The following LEKR1 variants were observed in gnomAD, a reference collection of about 807,000 sequenced individuals.
LEKR1 encodes the protein protein LEKR1.
LEKR1 carries 59 observed loss-of-function variants against 72.4 expected under a neutral mutation model. The ratio of observed to expected loss-of-function variants is 0.82; its 90% CI spans 0.66 to 1.01. The LOEUF is 1.01. Ranked by LOEUF, LEKR1 falls within the 50% of genes least tolerant of loss-of-function variation. The probability of loss-of-function intolerance (pLI) is 0.00; values close to 1 mark genes in which losing one functional copy is unlikely to be tolerated. For synonymous variants in LEKR1, 257 were observed against 263.2 expected (o/e 0.98, Z 0.23); for missense variants, 728 against 759.2 (o/e 0.96, Z 0.48).
At chr3:156,873,104 G>T (rs1277867138) in intron 3 of LEKR1, among the ~76,000 whole-genome samples, 1 of 151,932 alleles carries the variant, frequency 6.6e-6, no homozygotes, top group Admixed American at 6.6e-5. Context: ...ATACCTGGGT[G>T]CTCTGGTGTT....
At chr3:156,942,995 TG>T (rs1726362931) in intron 6 of LEKR1, among the ~76,000 whole-genome samples, 1 of 151,936 alleles carries the variant, frequency 6.6e-6, no homozygotes, top group African/African-American at 2.4e-5. Flanking sequence ...AAATTTACTT[TG>T]GTATATCTGT....
intron 3 of LEKR1, among the ~76,000 whole-genome samples, chr3:156,886,529 A>G (rs767415705): frequency 3.9e-5 from 6 of 152,030 alleles, no homozygotes; most frequent in Admixed American, 6.6e-5. Context: ...TCCCACTCCA[A>G]TTCTGCTGGC....
chr3:156,895,528 T>A (rs1273913248), intron 3 of LEKR1, among the ~76,000 whole-genome samples: 2 of 152,014 alleles, frequency 1.3e-5, no homozygotes, highest in Non-Finnish European at 2.9e-5. Flanking sequence ...GAGGGATCAC[T>A]TGAGCCCAGG....
At chr3:156,997,171 C>G (rs1259780243) in intron 9 of LEKR1, among the ~76,000 whole-genome samples, 1 of 152,050 alleles carries the variant, frequency 6.6e-6, no homozygotes, top group African/African-American at 2.4e-5. Flanking sequence ...CCAGGGCAAC[C>G]TGTTATTCGG....
At chr3:156,949,942 A>G (rs1727003253) in intron 6 of LEKR1, among the ~76,000 whole-genome samples, 2 of 151,238 alleles carry the variant, frequency 1.3e-5, no homozygotes. Flanking sequence ...TTTCTAAAAC[A>G]TTGTATAAAA....
At chr3:156,867,873 T>C (rs1230388798) in intron 3 of LEKR1, among the ~76,000 whole-genome samples, 1 of 152,088 alleles carries the variant, frequency 6.6e-6, no homozygotes, top group Non-Finnish European at 1.5e-5. Context: ...AGATAAGTCA[T>C]GAAGCCAAGA....
Position 157,028,332 on chromosome 3 carries a change from C to A in LEKR1, c.1598C>A (p.Ser533Ter), listed in dbSNP as rs755439433. 1 of 1,613,134 alleles carries A rather than the reference C, an allele frequency of 6.2e-7. No homozygotes were observed. Among genetic ancestry groups the A allele is most frequent in the Non-Finnish European group, 8.5e-7 (1 of 1,179,532 alleles). ...ENLRKEMEQK[S>*]DELKRVMLAQ... ...TTGAGGAAGGAAATGGAACAGAAGT[C>A]GGATGAACTGAAAAGAGTAATGCTG... Residue 533 changes from serine to a stop codon, truncating the protein, a stop_gained, in exon 12 of 13, where the codon TCG becomes TAG. Transcript: ENST00000356539. LOFTEE classifies it high-confidence loss of function.
chr3:156,942,778 A>T, intron 6 of LEKR1, 64 bp downstream of exon 6: 1 of 694,002 alleles, frequency 1.4e-6, no homozygotes, highest in Non-Finnish European at 2.0e-6. Context: ...AAATGTTTAC[A>T]TTTTTACTTA....
At chr3:156,901,083 G>A (rs948137720) in intron 3 of LEKR1, among the ~76,000 whole-genome samples, 11 of 151,696 alleles carry the variant, frequency 7.3e-5, no homozygotes, top group East Asian at 1.9e-4. Flanking sequence ...CTGCAGCCTC[G>A]CCAACCCCAG....
intron 6 of LEKR1, among the ~76,000 whole-genome samples, chr3:156,949,889 G>C (rs1413406659): frequency 6.6e-6 from 1 of 150,988 alleles, no homozygotes; most frequent in Non-Finnish European, 1.5e-5. Flanking sequence ...GGTCACTATG[G>C]CCTTGTAGAA....
In LEKR1 at chr3:157,045,586, G is replaced by T. The variant is rs1735693459; in HGVS notation, c.1915G>T (p.Val639Leu). Residue 639 changes from valine (V) to leucine (L), a missense_variant, in exon 13 of 13, where the codon GTG becomes TTG. Coordinates refer to ENST00000356539, the MANE Select transcript of LEKR1 (RefSeq NM_001004316.3). ...KGIQIPNLRG[V>L]SKPTTFPTSD... Reference sequence around the variant, plus strand: ...AATCCAAATTCCCAACCTGCGCGGGGTGTCAAAACCCACCACTTTCCCAAC... The same window carrying T: ...AATCCAAATTCCCAACCTGCGCGGGTTGTCAAAACCCACCACTTTCCCAAC... The T allele has an allele frequency of 1.9e-6, 3 of 1,614,018 alleles. No homozygotes were observed. The highest frequency in any genetic ancestry group is 1.7e-6 in the Non-Finnish European group (2 of 1,180,048).
At chr3:156,998,316 G>A (rs1269573508) in intron 9 of LEKR1, among the ~76,000 whole-genome samples, 1 of 152,072 alleles carries the variant, frequency 6.6e-6, no homozygotes, top group Non-Finnish European at 1.5e-5. Flanking sequence ...TATAACAAAT[G>A]TACAAATATA....
chr3:156,840,224 C>T (rs1713727179), intron 2 of LEKR1, among the ~76,000 whole-genome samples: 1 of 152,146 alleles, frequency 6.6e-6, no homozygotes, highest in Non-Finnish European at 1.5e-5. Flanking sequence ...TTTGGGGAGT[C>T]AGAAGTTGTA....
chr3:156,826,712 C>T (rs531502276), intron 1 of LEKR1: 2 of 155,684 alleles, frequency 1.3e-5, no homozygotes, highest in Admixed American at 6.5e-5. Flanking sequence ...ATTTGAAAGC[C>T]ATTCCAGCAG....
chr3:156,919,672 A>G lies in LEKR1; in HGVS notation c.264-903A>G, dbSNP rs190243448. ...ATTAGAAATAGATTAATAACTGTTT[A>G]TAGCAACTACATGCTAACAAATCTT... On this transcript the variant is annotated intron_variant, in intron 3 of 12. Transcript: ENST00000356539. 2.1e-4 allele frequency among the ~76,000 whole-genome samples: 32 copies of G among 152,322 alleles called. 1 individual carries two copies. In the East Asian group the frequency reaches 2.1e-3, roughly 10 times the overall value.
intron 6 of LEKR1, among the ~76,000 whole-genome samples, chr3:156,971,450 A>G (rs1298049767): frequency 6.6e-6 from 1 of 152,226 alleles, no homozygotes; most frequent in Non-Finnish European, 1.5e-5. Flanking sequence ...CATGTCTAAA[A>G]CACCAAAAGC....
At chr3:156,922,765 A>G (rs1053649563) in intron 4 of LEKR1, among the ~76,000 whole-genome samples, 1 of 152,230 alleles carries the variant, frequency 6.6e-6, no homozygotes, top group African/African-American at 2.4e-5. Flanking sequence ...TAAAATAGAT[A>G]TTAAAAACCT....
intron 3 of LEKR1, among the ~76,000 whole-genome samples, chr3:156,892,477 GA>G (rs1720764592): frequency 6.6e-6 from 1 of 152,068 alleles, no homozygotes; most frequent in Non-Finnish European, 1.5e-5. Context: ...TAACACTGAG[GA>G]AAAAATGCAA....
At chr3:157,031,637 T>A (rs1734618674) in intron 12 of LEKR1, among the ~76,000 whole-genome samples, 1 of 152,078 alleles carries the variant, frequency 6.6e-6, no homozygotes, top group Non-Finnish European at 1.5e-5. Flanking sequence ...AAGCACCACT[T>A]TTTTTGAAAA....
Sources: gnomAD v4.1 joint callset for allele counts (sites outside exome capture counted in the v4.1 genomes callset) on GRCh38, gnomAD v4.1.1 for gene constraint, MANE v1.5 for transcripts, NCBI Gene and HGNC (gene_info 2026-07-23, HGNC 2026-07-21) for gene names.